CNTNAP2: variants seen among roughly 807,000 people sequenced by gnomAD.
The protein encoded by CNTNAP2 is contactin associated protein 2.
In CNTNAP2, 98 loss-of-function variants were observed where a neutral mutation model predicts 155.2. The ratio of observed to expected loss-of-function variants is 0.63; its 90% CI spans 0.54 to 0.75. CNTNAP2 has a LOEUF of 0.75. Among genes scored for constraint, CNTNAP2 ranks in the 30% least tolerant of loss-of-function variants. The pLI is 0.00. For missense variants in CNTNAP2, 1,727 were observed against 1,688.1 expected, an observed-to-expected ratio of 1.02 and a Z score of -0.40; for synonymous variants, 651 against 631.2, an observed-to-expected ratio of 1.03 and a Z score of -0.47.
rs1795574220 is a variant in CNTNAP2 at position 148,212,981 on chromosome 7, T to G, written c.3011-4307T>G. On this transcript the variant is annotated intron_variant, in intron 18 of 23. Transcript: ENST00000361727. Reference sequence around the variant, plus strand: ...CAGCCAAAGTAGTCTCTGAGGCATATTTTTGGATTGTTTATCTGAAATCTC... The same window carrying G: ...CAGCCAAAGTAGTCTCTGAGGCATAGTTTTGGATTGTTTATCTGAAATCTC... Among the ~76,000 whole-genome samples, 5 of 152,272 alleles carry G rather than the reference T, an allele frequency of 3.3e-5. No individual in the cohort carries two copies. The South Asian group carries it at 1.0e-3, about 32-fold the overall frequency.
chr7:146,449,542 G>A (rs565716411), intron 1 of CNTNAP2, among the ~76,000 whole-genome samples: 2 of 152,228 alleles, frequency 1.3e-5, no homozygotes, highest in Admixed American at 1.3e-4. Context: ...CAGTATCAAT[G>A]ACTTGGGGCT....
intron 1 of CNTNAP2, among the ~76,000 whole-genome samples, chr7:146,675,642 T>C (rs1800385460): frequency 6.6e-6 from 1 of 152,194 alleles, no homozygotes; most frequent in African/African-American, 2.4e-5. Context: ...GTGAATATAC[T>C]TTAAGTGGTT....
chr7:146,909,400 C>T (rs1796225419), intron 3 of CNTNAP2, among the ~76,000 whole-genome samples: 1 of 111,878 alleles, frequency 8.9e-6, no homozygotes, highest in Non-Finnish European at 1.8e-5. Context: ...TGCAAAAATC[C>T]TCAATAAAAT....
chr7:147,948,421 C>T (rs568079688), intron 14 of CNTNAP2, among the ~76,000 whole-genome samples: 1 of 150,982 alleles, frequency 6.6e-6, no homozygotes, highest in South Asian at 2.1e-4. Flanking sequence ...CTCATGTACC[C>T]CCATAAGTAT....
At chr7:147,136,584 G>T (rs1801483650) in intron 8 of CNTNAP2, among the ~76,000 whole-genome samples, 1 of 151,906 alleles carries the variant, frequency 6.6e-6, no homozygotes, top group Admixed American at 6.6e-5. Flanking sequence ...CTGGGAAATA[G>T]TTCTCAGTTC....
chr7:147,098,124 T>A (rs1307551682), intron 4 of CNTNAP2, among the ~76,000 whole-genome samples: 1 of 152,184 alleles, frequency 6.6e-6, no homozygotes, highest in Non-Finnish European at 1.5e-5. Context: ...GGCTGGGTCT[T>A]TGTTCTCTCT....
rs141007121 is a variant in CNTNAP2, at chr7:147,073,835, G to C, written c.550+29781G>C. Among the ~76,000 whole-genome samples the C allele has an allele frequency of 9.9e-5, 15 of 152,236 alleles. No individual in the cohort carries two copies. The East Asian group carries it at 2.9e-3, about 30-fold the overall frequency. Reference sequence around the variant, plus strand: ...ACCATAGCATGAGTTGTTTATGGAAGGGACGGAAATTTAAACCTGGGTGAT... The same window carrying C: ...ACCATAGCATGAGTTGTTTATGGAACGGACGGAAATTTAAACCTGGGTGAT... On this transcript the variant is annotated intron_variant, in intron 4 of 23. Coordinates refer to ENST00000361727, the MANE Select transcript of CNTNAP2 (RefSeq NM_014141.6).
At chr7:146,607,091 T>G (rs1003146909) in intron 1 of CNTNAP2, among the ~76,000 whole-genome samples, 2 of 152,204 alleles carry the variant, frequency 1.3e-5, no homozygotes, top group Non-Finnish European at 2.9e-5. Flanking sequence ...TTCCTCCTTC[T>G]AATTCAAAAT....
chr7:147,186,772 G>A (rs1360993997), intron 8 of CNTNAP2, among the ~76,000 whole-genome samples: 1 of 152,168 alleles, frequency 6.6e-6, no homozygotes, highest in African/African-American at 2.4e-5. Flanking sequence ...TGAGCACAGT[G>A]GGCCTTCTGG....
chr7:147,692,924 G>C (rs541394995), intron 13 of CNTNAP2, among the ~76,000 whole-genome samples: 4 of 152,058 alleles, frequency 2.6e-5, no homozygotes, highest in Admixed American at 2.6e-4. Flanking sequence ...GACACCATAG[G>C]TCGTCTAGAT....
chr7:147,456,820 A>G (rs754844090), intron 10 of CNTNAP2, among the ~76,000 whole-genome samples: 1 of 152,210 alleles, frequency 6.6e-6, no homozygotes, highest in Non-Finnish European at 1.5e-5. Flanking sequence ...AGGATCAACC[A>G]TATTAATGGC....
intron 13 of CNTNAP2, among the ~76,000 whole-genome samples, chr7:147,827,624 T>G (rs565646971): frequency 2.0e-5 from 3 of 152,274 alleles, no homozygotes; most frequent in South Asian, 2.1e-4. Context: ...CCTTTAGGAT[T>G]TTTTTTCTTG....
At chr7:148,351,368 T>C (rs1798421200) in intron 21 of CNTNAP2, among the ~76,000 whole-genome samples, 1 of 151,900 alleles carries the variant, frequency 6.6e-6, no homozygotes, top group Non-Finnish European at 1.5e-5. Context: ...GCTGGGGAAA[T>C]GCATCCCAGG....
chr7:148,079,361 T>C (rs1319448873), intron 15 of CNTNAP2, among the ~76,000 whole-genome samples: 1 of 152,182 alleles, frequency 6.6e-6, no homozygotes, highest in African/African-American at 2.4e-5. Context: ...GTTGCCCAGA[T>C]GTCCTATTGT....
At chr7:146,642,855 C>G (rs1261008180) in intron 1 of CNTNAP2, among the ~76,000 whole-genome samples, 1 of 151,938 alleles carries the variant, frequency 6.6e-6, no homozygotes, top group Non-Finnish European at 1.5e-5. Context: ...GCCATTCTAA[C>G]TGGTGTGAGA....
At chr7:146,705,207 T>G (rs967486949) in intron 1 of CNTNAP2, among the ~76,000 whole-genome samples, 1 of 152,110 alleles carries the variant, frequency 6.6e-6, no homozygotes, top group African/African-American at 2.4e-5. Flanking sequence ...CATCATCAGT[T>G]TGAATAGGGC....
At chr7:147,649,582 A>T (rs1795418871) in intron 13 of CNTNAP2, among the ~76,000 whole-genome samples, 1 of 152,182 alleles carries the variant, frequency 6.6e-6, no homozygotes, top group African/African-American at 2.4e-5. Context: ...GAAGATGATC[A>T]CATCTTAATG....
At chr7:147,739,314 T>A (rs750703754) in intron 13 of CNTNAP2, among the ~76,000 whole-genome samples, 3 of 152,176 alleles carry the variant, frequency 2.0e-5, no homozygotes, top group Non-Finnish European at 2.9e-5. Context: ...ACTGTTAATC[T>A]CAATGCCCTT....
intron 1 of CNTNAP2, among the ~76,000 whole-genome samples, chr7:146,297,864 T>C (rs1800539053): frequency 6.6e-6 from 1 of 152,148 alleles, no homozygotes; most frequent in Non-Finnish European, 1.5e-5. Context: ...TCTAAACGTG[T>C]TAATGTGAAT....
Sources: gnomAD v4.1 joint callset for allele counts (sites outside exome capture counted in the v4.1 genomes callset) on GRCh38, gnomAD v4.1.1 for gene constraint, MANE v1.5 for transcripts, NCBI Gene and HGNC (gene_info 2026-07-23, HGNC 2026-07-21) for gene names.